Variants in ARMH4 observed in about 807,000 individuals in gnomAD.
ARMH4 encodes the protein armadillo like helical domain containing 4.
Under a neutral mutation model 61.9 loss-of-function variants are expected in ARMH4, and 49 were observed. The observed-to-expected ratio is 0.79, with a 90% CI of 0.63 to 1.00. The LOEUF is 1.00. ARMH4 is among the 50% of genes least tolerant of loss of function. The pLI is 0.00. For synonymous variants in ARMH4, 368 were observed against 341.5 expected, an observed-to-expected ratio of 1.08 and a Z score of -0.85; for missense variants, 934 against 930.0, an observed-to-expected ratio of 1.00 and a Z score of -0.06.
Position 58,004,618 on chromosome 14 carries a change from A to C in ARMH4, c.*118T>G. 1 of 829,882 alleles carries C rather than the reference A, an allele frequency of 1.2e-6. No individual in the cohort carries two copies. Among genetic ancestry groups the C allele is most frequent in the East Asian group, 2.4e-5 (1 of 40,890 alleles). The allele number at this position is 829,882 out of a possible 1,614,324, so 51.4% of individuals were successfully genotyped here. On this transcript the variant is annotated 3_prime_UTR_variant, in exon 8 of 8. Coordinates refer to ENST00000267485, the MANE Select transcript of ARMH4 (RefSeq NM_001001872.4). ...ATCTACTACCCAGCACCCAGCAGAC[A>C]CTAGGACTAACGGCCTGATAGCAGC...
chr14:58,044,253 G>C (rs1243291631), intron 5 of ARMH4, among the ~76,000 whole-genome samples: 2 of 152,166 alleles, frequency 1.3e-5, no homozygotes, highest in African/African-American at 2.4e-5. Flanking sequence ...CACGGTACTG[G>C]TACCAAAACA....
intron 4 of ARMH4, among the ~76,000 whole-genome samples, chr14:58,117,486 T>G (rs1347658797): frequency 6.6e-6 from 1 of 152,222 alleles, no homozygotes; most frequent in Non-Finnish European, 1.5e-5. Context: ...AAATGAGGCT[T>G]ACATAATAAT....
intron 5 of ARMH4, among the ~76,000 whole-genome samples, chr14:58,039,096 C>T (rs1025689445): frequency 3.9e-5 from 6 of 152,242 alleles, no homozygotes; most frequent in African/African-American, 1.4e-4. Context: ...TGTGCAGACT[C>T]ATTCCTGTGG....
chr14:58,018,649 A>AG (rs1250808212), intron 5 of ARMH4, among the ~76,000 whole-genome samples: 1 of 152,214 alleles, frequency 6.6e-6, no homozygotes, highest in Non-Finnish European at 1.5e-5. Flanking sequence ...TGTAAAGAAA[A>AG]GGAAATCCCT....
chr14:58,049,506 G>A (rs1459873787), intron 5 of ARMH4, among the ~76,000 whole-genome samples: 1 of 152,110 alleles, frequency 6.6e-6, no homozygotes, highest in African/African-American at 2.4e-5. Context: ...TTTTGAACCT[G>A]AACAGCCCAT....
intron 1 of ARMH4, among the ~76,000 whole-genome samples, chr14:58,148,822 A>G (rs1219326769): frequency 2.0e-5 from 3 of 150,994 alleles, no homozygotes; most frequent in African/African-American, 7.3e-5. Context: ...CATTTCTGCT[A>G]TATTTTAAGG....
chr14:58,077,711 TC>T (rs1034886898), intron 5 of ARMH4, among the ~76,000 whole-genome samples: 10 of 152,142 alleles, frequency 6.6e-5, no homozygotes, highest in African/African-American at 2.4e-4. Context: ...AAACTGAAGC[TC>T]GGAGAGGTTA....
chr14:58,016,320 T>C (rs1046304555), intron 5 of ARMH4, among the ~76,000 whole-genome samples: 5 of 152,192 alleles, frequency 3.3e-5, no homozygotes, highest in Non-Finnish European at 2.9e-5. Context: ...AAATACTTAA[T>C]GGCAAGATGT....
At chr14:58,054,647 C>T (rs1337698044) in intron 5 of ARMH4, among the ~76,000 whole-genome samples, 1 of 151,978 alleles carries the variant, frequency 6.6e-6, no homozygotes, top group African/African-American at 2.4e-5. Context: ...ACTGTAATCC[C>T]AACACTTTGG....
chr14:58,129,327 T>G (rs1887006653), intron 4 of ARMH4, among the ~76,000 whole-genome samples: 1 of 152,198 alleles, frequency 6.6e-6, no homozygotes, highest in Non-Finnish European at 1.5e-5. Flanking sequence ...CTTTGGTGTC[T>G]AATGTCTAAC....
At chr14:58,117,160 G>A (rs1263629158) in intron 4 of ARMH4, among the ~76,000 whole-genome samples, 2 of 152,140 alleles carry the variant, frequency 1.3e-5, no homozygotes, top group African/African-American at 4.8e-5. Flanking sequence ...TCAGATGACA[G>A]CTTCATATAC....
intron 5 of ARMH4, among the ~76,000 whole-genome samples, chr14:58,053,548 A>G (rs1884219950): frequency 6.6e-6 from 1 of 152,104 alleles, no homozygotes; most frequent in Non-Finnish European, 1.5e-5. Flanking sequence ...TCATAAACAC[A>G]TTCCCAGGGA....
intron 5 of ARMH4, among the ~76,000 whole-genome samples, chr14:58,076,018 G>T (rs925560738): frequency 7.1e-6 from 1 of 140,236 alleles, no homozygotes; most frequent in African/African-American, 2.6e-5. Flanking sequence ...GAAGGAAGAA[G>T]AATAAGAAAG....
At chr14:58,052,190 G>A (rs1884166894) in intron 5 of ARMH4, among the ~76,000 whole-genome samples, 1 of 152,086 alleles carries the variant, frequency 6.6e-6, no homozygotes, top group South Asian at 2.1e-4. Flanking sequence ...GAGCTCCAGT[G>A]AGACCAGGGA....
intron 5 of ARMH4, among the ~76,000 whole-genome samples, chr14:58,049,161 C>T (rs1398785162): frequency 1.3e-5 from 2 of 151,376 alleles, no homozygotes; most frequent in African/African-American, 4.9e-5. Context: ...ACGGTGTGAA[C>T]CCAGGAGGCG....
intron 1 of ARMH4, among the ~76,000 whole-genome samples, chr14:58,140,576 AAAAT>A (rs142870008): frequency 0.085 from 12,677 of 149,534 alleles, 790 homozygotes; most frequent in African/African-American, 0.18. Context: ...ATCCGTCTCA[AAAAT>A]AAATAAATAA....
At chr14:58,105,123 G>A (rs1053393090) in intron 4 of ARMH4, among the ~76,000 whole-genome samples, 1 of 152,182 alleles carries the variant, frequency 6.6e-6, no homozygotes, top group South Asian at 2.1e-4. Flanking sequence ...ACAATGACAT[G>A]CTGTAAACAT....
At chr14:58,103,155 A>G (rs1023851171) in intron 4 of ARMH4, among the ~76,000 whole-genome samples, 15 of 151,878 alleles carry the variant, frequency 9.9e-5, no homozygotes, top group African/African-American at 3.6e-4. Flanking sequence ...AAATAGAATA[A>G]GGCAGAGAAA....
rs1341355655 is a variant in ARMH4, at chr14:58,005,051, TCTTTTATGC to T, written c.2244_2252del (p.His749_Arg751del). 1.2e-6 allele frequency: 2 copies of T among 1,613,924 alleles called. No individual in the cohort carries two copies. Among genetic ancestry groups the T allele is most frequent in the Middle Eastern group, 3.3e-4 (2 of 6,084 alleles). ...TTTGCTGTTGTTGGTTCCATACCTT[TCTTTTATGC>T]CTTTTGAAGCCATTTCTCCTTCGGC... On this transcript the variant is annotated inframe_deletion, in exon 7 of 8. Transcript: ENST00000267485.
Sources: gnomAD v4.1 joint callset for allele counts (sites outside exome capture counted in the v4.1 genomes callset) on GRCh38, gnomAD v4.1.1 for gene constraint, MANE v1.5 for transcripts, NCBI Gene and HGNC (gene_info 2026-07-23, HGNC 2026-07-21) for gene names.